The following OTOP1 variants were observed in gnomAD, a reference collection of about 807,000 sequenced individuals.
OTOP1 encodes otopetrin 1.
Under a neutral mutation model 52.9 loss-of-function variants are expected in OTOP1, and 59 were observed. That is an observed-to-expected ratio of 1.12 (90% CI 0.91 to 1.39). The LOEUF (loss-of-function observed/expected upper bound fraction) is 1.39, where lower values mean the gene tolerates loss of function less well. OTOP1 is among the 40% of genes most tolerant of loss of function. The pLI is 0.00. For missense variants in OTOP1, 761 were observed against 800.9 expected (o/e 0.95, Z 0.60); for synonymous variants, 317 against 337.7 (o/e 0.94, Z 0.67).
chr4:4,211,192 C>G (rs1717018470), intron 2 of OTOP1, among the ~76,000 whole-genome samples: 1 of 152,166 alleles, frequency 6.6e-6, no homozygotes, highest in Non-Finnish European at 1.5e-5. Context: ...TCTGCTAAGT[C>G]AGCTGGGGGT....
intron 4 of OTOP1, among the ~76,000 whole-genome samples, chr4:4,199,075 G>T (rs1002117705): frequency 2.6e-5 from 4 of 152,010 alleles, no homozygotes; most frequent in Admixed American, 6.6e-5. Context: ...TGTAATACCA[G>T]CTGCTTGGGA....
chr4:4,224,076 T>C (rs904163822), intron 1 of OTOP1, among the ~76,000 whole-genome samples: 3 of 150,934 alleles, frequency 2.0e-5, no homozygotes, highest in Admixed American at 6.6e-5. Flanking sequence ...AGGCCAGGCA[T>C]GGTGGCTCAC....
In OTOP1 at chr4:4,197,624, T is replaced by A; in HGVS notation, c.1210A>T (p.Ile404Phe). ...LVGTASGSWL[I>F]SWGSILAILC... is the part of the protein sequence containing the mutation. ...ATGGCCAAGATTGAGCCCCAGGAGA[T>A]AAGCCAGGAGCCCGAGGCAGTGCCC... The change falls in exon 5 of 6, where the codon ATC (isoleucine) becomes TTC (phenylalanine). Residue 404 changes from isoleucine to phenylalanine, a missense_variant. This residue lies in a region of OTOP1 where 632 missense variants were observed against 619.5 expected (regional missense o/e 1.02). Transcript: ENST00000296358. 1 of 1,613,738 alleles carries A rather than the reference T, an allele frequency of 6.2e-7. No homozygotes were observed. Among genetic ancestry groups the A allele is most frequent in the African/African-American group, 1.3e-5 (1 of 74,916 alleles).
At chr4:4,216,712 T>C (rs1175367983) in intron 1 of OTOP1, among the ~76,000 whole-genome samples, 1 of 152,194 alleles carries the variant, frequency 6.6e-6, no homozygotes, top group Non-Finnish European at 1.5e-5. Flanking sequence ...TGGTTGGTTT[T>C]AATTACAAAA....
chr4:4,190,939 C>G (rs1050393209), intron 5 of OTOP1, among the ~76,000 whole-genome samples: 20 of 152,092 alleles, frequency 1.3e-4, no homozygotes, highest in African/African-American at 4.6e-4. Context: ...TCTCCCAGTC[C>G]CTGGTTGTAA....
At chr4:4,202,301 A>G (rs1468223915) in intron 4 of OTOP1, 147 bp downstream of exon 4, 5 of 1,088,174 alleles carry the variant, frequency 4.6e-6, no homozygotes, top group Middle Eastern at 5.4e-4. Context: ...AAGATTTTCA[A>G]CAACAGCGGG....
At chr4:4,193,076 G>A (rs1294211103) in intron 5 of OTOP1, among the ~76,000 whole-genome samples, 1 of 152,170 alleles carries the variant, frequency 6.6e-6, no homozygotes, top group Non-Finnish European at 1.5e-5. Flanking sequence ...AAATAAGCAT[G>A]TGTCAGATCC....
At chr4:4,208,260 G>A (rs1202973628) in intron 2 of OTOP1, among the ~76,000 whole-genome samples, 3 of 152,152 alleles carry the variant, frequency 2.0e-5, no homozygotes, top group Non-Finnish European at 4.4e-5. Flanking sequence ...TTGTGAGGGA[G>A]GTTTGTAGCT....
At chr4:4,202,357 C>T in intron 4 of OTOP1, 91 bp downstream of exon 4, 1 of 1,569,028 alleles carries the variant, frequency 6.4e-7, no homozygotes, top group African/African-American at 1.4e-5. Context: ...TTCTTTGGAA[C>T]CTGCACTCCA....
chr4:4,206,940 G>A (rs540710782), intron 2 of OTOP1, among the ~76,000 whole-genome samples: 1 of 152,224 alleles, frequency 6.6e-6, no homozygotes, highest in South Asian at 2.1e-4. Context: ...CATTATTTGG[G>A]CTTCTAAAAT....
At chr4:4,210,788 G>C (rs547555665) in intron 2 of OTOP1, among the ~76,000 whole-genome samples, 1 of 152,084 alleles carries the variant, frequency 6.6e-6, no homozygotes. Flanking sequence ...CCAAGATTAC[G>C]CCATTGCACT....
At chr4:4,225,307 T>C (rs964282272) in intron 1 of OTOP1, among the ~76,000 whole-genome samples, 2 of 152,186 alleles carry the variant, frequency 1.3e-5, no homozygotes, top group African/African-American at 4.8e-5. Context: ...CAGTGGTTCA[T>C]GCCTGTGATC....
intron 1 of OTOP1, among the ~76,000 whole-genome samples, chr4:4,219,697 A>C (rs1412317216): frequency 2.1e-5 from 1 of 47,434 alleles, no homozygotes; most frequent in African/African-American, 4.2e-5. Context: ...ACTCTGTCTC[A>C]AAAAAAAAAA....
intron 5 of OTOP1, among the ~76,000 whole-genome samples, chr4:4,193,128 T>A (rs1716549415): frequency 6.6e-6 from 1 of 152,114 alleles, no homozygotes; most frequent in Admixed American, 6.5e-5. Flanking sequence ...TTCTCTTGCG[T>A]TTAGGATAGA....
intron 2 of OTOP1, among the ~76,000 whole-genome samples, chr4:4,206,441 C>T (rs756459680): frequency 3.3e-5 from 5 of 152,292 alleles, no homozygotes; most frequent in South Asian, 2.1e-4. Context: ...GAAGTAGTAG[C>T]CTGCTTGACA....
chr4:4,200,401 G>A lies in OTOP1; in HGVS notation c.730+2047C>T, dbSNP rs191113735. 1.3e-4 allele frequency among the ~76,000 whole-genome samples: 20 copies of A among 151,682 alleles called. No homozygotes were observed. The East Asian group carries it at 3.5e-3, about 26-fold the overall frequency. ...GATGCAGGAGAATAGTGTGACTCCC[G>A]GGAGGCAGAGCTTGCAGTGATCCGA... is the stretch of plus-strand genomic sequence containing the variant. On this transcript the variant is annotated intron_variant, in intron 4 of 5. Transcript: ENST00000296358.
intron 2 of OTOP1, among the ~76,000 whole-genome samples, chr4:4,211,826 G>T (rs1717032295): frequency 6.6e-6 from 1 of 152,002 alleles, no homozygotes; most frequent in Non-Finnish European, 1.5e-5. Context: ...TGGTTGGAGA[G>T]GAAAAATTAG....
At chr4:4,209,640 A>G (rs1166856945) in intron 2 of OTOP1, among the ~76,000 whole-genome samples, 1 of 152,140 alleles carries the variant, frequency 6.6e-6, no homozygotes, top group Non-Finnish European at 1.5e-5. Context: ...AGTGCTTTTC[A>G]TACATCTGTG....
At chr4:4,205,591 C>T (rs1446533514) in intron 3 of OTOP1, among the ~76,000 whole-genome samples, 3 of 152,098 alleles carry the variant, frequency 2.0e-5, no homozygotes, top group East Asian at 1.9e-4. Context: ...AAAATACTGT[C>T]GAAGCAAGGC....
Sources: allele counts gnomAD v4.1 joint callset (sites outside exome capture counted in the v4.1 genomes callset), GRCh38; gene constraint gnomAD v4.1.1; regional missense constraint gnomAD v4.1.1; transcripts MANE v1.5; gene names NCBI Gene and HGNC (gene_info 2026-07-23, HGNC 2026-07-21).